The following DYNC1I1 variants were observed in gnomAD, a reference collection of about 807,000 sequenced individuals.
The protein encoded by DYNC1I1 is cytoplasmic dynein 1 intermediate chain 1.
Under a neutral mutation model 86.6 loss-of-function variants are expected in DYNC1I1, and 43 were observed. The observed-to-expected ratio is 0.50, with a 90% CI of 0.39 to 0.64. The LOEUF (loss-of-function observed/expected upper bound fraction) is 0.64. Ranked by LOEUF, DYNC1I1 falls within the 30% of genes least tolerant of loss-of-function variation. The pLI is 0.00. For synonymous variants in DYNC1I1, 262 were observed against 283.7 expected, an observed-to-expected ratio of 0.92 and a Z score of 0.77; for missense variants, 604 against 788.8, an observed-to-expected ratio of 0.77 and a Z score of 2.81.
intron 6 of DYNC1I1, among the ~76,000 whole-genome samples, chr7:95,889,631 A>C (rs1294411942): frequency 2.6e-5 from 4 of 152,230 alleles, no homozygotes; most frequent in African/African-American, 9.6e-5. Flanking sequence ...AGCAAAAGAA[A>C]CCATCCACAG....
At chr7:95,900,513 A>G (rs1212295319) in intron 6 of DYNC1I1, among the ~76,000 whole-genome samples, 4 of 152,176 alleles carry the variant, frequency 2.6e-5, no homozygotes, top group Non-Finnish European at 4.4e-5. Context: ...AGATGTGTAT[A>G]GTTAAATTTG....
In DYNC1I1 at chr7:95,994,428, A is replaced by C. The variant is rs563082506; in HGVS notation, c.844-1520A>C. ...CAGGCAAGGAAGGAAGTGGTTGGTTAAGTCAGGATTGTCTGGAGGACTTGA... is the reference window on the plus strand; with the variant it reads ...CAGGCAAGGAAGGAAGTGGTTGGTTCAGTCAGGATTGTCTGGAGGACTTGA... On this transcript the variant is annotated intron_variant, in intron 9 of 16. Transcript: ENST00000447467. Among the ~76,000 whole-genome samples the C allele has an allele frequency of 3.3e-5, 5 of 152,314 alleles. No individual in the cohort carries two copies. The South Asian group carries it at 1.0e-3, about 32-fold the overall frequency.
intron 9 of DYNC1I1, among the ~76,000 whole-genome samples, chr7:95,995,288 T>TAAATAAC (rs1284500550): frequency 2.2e-5 from 2 of 89,920 alleles, no homozygotes; most frequent in Non-Finnish European, 4.8e-5. Flanking sequence ...AAATAAATAA[T>TAAATAAC]GTAGAATGGC....
At chr7:95,929,551 G>C (rs1791835370) in intron 6 of DYNC1I1, among the ~76,000 whole-genome samples, 1 of 152,098 alleles carries the variant, frequency 6.6e-6, no homozygotes, top group Non-Finnish European at 1.5e-5. Context: ...TTTTTTGAAA[G>C]CGTAAAAGCA....
intron 4 of DYNC1I1, among the ~76,000 whole-genome samples, chr7:95,822,836 A>G (rs980914424): frequency 5.3e-5 from 8 of 152,258 alleles, no homozygotes; most frequent in Admixed American, 3.9e-4. Context: ...ACATAGTTAA[A>G]GAAAGATTGT....
chr7:96,108,927 T>G (rs928984098), intron 16 of DYNC1I1, among the ~76,000 whole-genome samples: 3 of 152,056 alleles, frequency 2.0e-5, no homozygotes, highest in African/African-American at 7.2e-5. Flanking sequence ...TTCACATTGT[T>G]TCTTTCTTCT....
intron 7 of DYNC1I1, among the ~76,000 whole-genome samples, chr7:95,979,624 G>A (rs545854464): frequency 6.6e-6 from 1 of 152,256 alleles, no homozygotes; most frequent in Non-Finnish European, 1.5e-5. Flanking sequence ...TTTCAATAGA[G>A]ATGCAAGCAA....
At chr7:95,971,828 A>G (rs79815977) in intron 6 of DYNC1I1, among the ~76,000 whole-genome samples, 6,265 of 152,230 alleles carry the variant, frequency 0.041, 401 homozygotes, top group African/African-American at 0.14. Context: ...TGCTATGGGC[A>G]GCAGGAGGAT....
chr7:95,974,355 G>A (rs1334684407), intron 6 of DYNC1I1, among the ~76,000 whole-genome samples: 1 of 152,144 alleles, frequency 6.6e-6, no homozygotes, highest in Non-Finnish European at 1.5e-5. Flanking sequence ...TAGACTCTAA[G>A]GCAATGTTTG....
At chr7:95,992,687 T>G (rs920164067) in intron 9 of DYNC1I1, among the ~76,000 whole-genome samples, 87 of 152,134 alleles carry the variant, frequency 5.7e-4, no homozygotes, top group African/African-American at 2.0e-3. Context: ...TGGTGCACTC[T>G]TAGCTCACTG....
intron 6 of DYNC1I1, among the ~76,000 whole-genome samples, chr7:95,870,415 G>A (rs144003354): frequency 5.3e-5 from 8 of 152,350 alleles, no homozygotes; most frequent in African/African-American, 1.9e-4. Flanking sequence ...ATAAGGTGTT[G>A]TTGGAATACA....
At chr7:96,107,836 T>C (rs868575066) in intron 16 of DYNC1I1, among the ~76,000 whole-genome samples, 28 of 151,820 alleles carry the variant, frequency 1.8e-4, no homozygotes, top group African/African-American at 6.5e-4. Flanking sequence ...TTCTTCATTT[T>C]TGAGGAACGG....
Position 95,840,747 on chromosome 7 carries a change from G to A in DYNC1I1, c.374+12631G>A, listed in dbSNP as rs990249566. 5.3e-5 allele frequency among the ~76,000 whole-genome samples: 8 copies of A among 152,070 alleles called. No individual in the cohort carries two copies. The South Asian group carries it at 6.2e-4, about 12-fold the overall frequency. ...GATTCTGGATGCTACCTATTCCTTC[G>A]TGCTTCCAAACTGCCATCTGTTTCC... is the stretch of plus-strand genomic sequence containing the variant. On this transcript the variant is annotated intron_variant, in intron 5 of 16. Coordinates refer to ENST00000447467, the MANE Select transcript of DYNC1I1 (RefSeq NM_001135556.2).
intron 14 of DYNC1I1, among the ~76,000 whole-genome samples, chr7:96,062,285 A>G (rs1194464703): frequency 1.3e-5 from 2 of 152,222 alleles, no homozygotes; most frequent in Non-Finnish European, 2.9e-5. Context: ...TGTATTTTAA[A>G]TGATGAAGGG....
At chr7:96,078,530 T>A (rs997909932) in intron 15 of DYNC1I1, among the ~76,000 whole-genome samples, 1 of 152,190 alleles carries the variant, frequency 6.6e-6, no homozygotes, top group Non-Finnish European at 1.5e-5. Flanking sequence ...AAACTATTTT[T>A]AAATGTTTAA....
At chr7:95,849,019 TATGTCTTCTTTAAAGAG>T (rs1186232283) in intron 5 of DYNC1I1, among the ~76,000 whole-genome samples, 1 of 152,180 alleles carries the variant, frequency 6.6e-6, no homozygotes, top group Admixed American at 6.5e-5. Flanking sequence ...TGACCATCTG[TATGTCTTCTTTAAAGAG>T]ATGTCTACTC....
At chr7:95,798,114 A>C (rs2115757885) in intron 1 of DYNC1I1, among the ~76,000 whole-genome samples, 1 of 152,312 alleles carries the variant, frequency 6.6e-6, no homozygotes, top group Admixed American at 6.5e-5. Flanking sequence ...AAGCTCTTTG[A>C]AGTCCTTGAT....
At chr7:95,981,838 C>A (rs62467720) in intron 7 of DYNC1I1, among the ~76,000 whole-genome samples, 1 of 152,010 alleles carries the variant, frequency 6.6e-6, no homozygotes, top group Non-Finnish European at 1.5e-5. Context: ...CTTTTTAATG[C>A]CATGAACTTG....
At chr7:95,876,342 G>C (rs971121472) in intron 6 of DYNC1I1, among the ~76,000 whole-genome samples, 1 of 152,038 alleles carries the variant, frequency 6.6e-6, no homozygotes, top group African/African-American at 2.4e-5. Context: ...TACTGTTCTG[G>C]ACAGAAGGAG....
Sources: gnomAD v4.1 joint callset for allele counts (sites outside exome capture counted in the v4.1 genomes callset) on GRCh38, gnomAD v4.1.1 for gene constraint, MANE v1.5 for transcripts, NCBI Gene and HGNC (gene_info 2026-07-23, HGNC 2026-07-21) for gene names.